Variants in TBC1D2 observed in about 807,000 individuals in gnomAD.
TBC1D2 encodes TBC1 domain family member 2.
In TBC1D2, 58 loss-of-function variants were observed where a neutral mutation model predicts 91.1. The ratio of observed to expected loss-of-function variants is 0.64; its 90% CI spans 0.52 to 0.79. The LOEUF is 0.79. Ranked by LOEUF, TBC1D2 falls within the 30% of genes least tolerant of loss-of-function variation. The pLI is 0.00. For synonymous variants in TBC1D2, 482 were observed against 511.5 expected (o/e 0.94, Z 0.78); for missense variants, 1,080 against 1,208.3 (o/e 0.89, Z 1.57).
At chr9:98,209,633 C>G (rs1828759661) in intron 8 of TBC1D2, among the ~76,000 whole-genome samples, 1 of 152,152 alleles carries the variant, frequency 6.6e-6, no homozygotes, top group Non-Finnish European at 1.5e-5. Flanking sequence ...AATGTTGACT[C>G]ACCTCCACTC....
intron 3 of TBC1D2, chr9:98,235,347 G>A (rs2119150450): frequency 4.6e-6 from 2 of 434,964 alleles, no homozygotes; most frequent in Non-Finnish European, 4.6e-6. Context: ...AATGAGCTAC[G>A]TAATCTAGAT....
intron 2 of TBC1D2, among the ~76,000 whole-genome samples, chr9:98,246,307 A>G (rs1829763103): frequency 6.6e-6 from 1 of 152,148 alleles, no homozygotes; most frequent in East Asian, 1.9e-4. Context: ...TGGGTATAAA[A>G]ATATTAAATA....
At chr9:98,202,973 C>T (rs958238121) in intron 10 of TBC1D2, among the ~76,000 whole-genome samples, 6 of 152,234 alleles carry the variant, frequency 3.9e-5, no homozygotes, top group East Asian at 1.9e-4. Context: ...GTGCTGGAGG[C>T]GATGCAGCCA....
intron 3 of TBC1D2, among the ~76,000 whole-genome samples, chr9:98,237,108 G>A (rs1829523526): frequency 6.6e-6 from 1 of 152,088 alleles, no homozygotes; most frequent in South Asian, 2.1e-4. Flanking sequence ...AGGTCAAGGC[G>A]AGTGGATTGC....
chr9:98,207,312 G>C (rs945852170), intron 9 of TBC1D2, among the ~76,000 whole-genome samples: 1 of 152,218 alleles, frequency 6.6e-6, no homozygotes, highest in Non-Finnish European at 1.5e-5. Context: ...AAAAAAAGCA[G>C]CATGGCTTAT....
In TBC1D2 at chr9:98,221,154, C is replaced by T. The variant is rs752372978; in HGVS notation, c.1053G>A (p.Ala351=). The T allele has an allele frequency of 6.3e-6, 10 of 1,575,514 alleles. No individual in the cohort carries two copies. The highest frequency in any genetic ancestry group is 1.9e-5 in the Admixed American group (1 of 53,766). ...QEKRASSAYL[A]AAEDKDRLEL... ...CCAGCCGGTCCTTGTCCTCAGCCGCCGCCAGGTATGCGCTGGACGCCCGCT... is the reference window on the plus strand; with the variant it reads ...CCAGCCGGTCCTTGTCCTCAGCCGCTGCCAGGTATGCGCTGGACGCCCGCT... The change falls in exon 6 of 13, where the codon GCG becomes GCA. Residue 351 remains alanine (A), a synonymous_variant. Transcript: ENST00000465784.
intron 4 of TBC1D2, among the ~76,000 whole-genome samples, chr9:98,230,167 A>G (rs1829331946): frequency 6.6e-6 from 1 of 152,174 alleles, no homozygotes; most frequent in Non-Finnish European, 1.5e-5. Flanking sequence ...GGATATATAC[A>G]TCATGCCTAT....
chr9:98,207,634 G>A (rs758520621), intron 9 of TBC1D2, among the ~76,000 whole-genome samples: 1 of 152,214 alleles, frequency 6.6e-6, no homozygotes, highest in African/African-American at 2.4e-5. Context: ...TCACTGAAAG[G>A]CTCAAGACTC....
In TBC1D2 at chr9:98,199,317, C is replaced by T; in HGVS notation, c.*64G>A. 6.3e-7 allele frequency: 1 copy of T among 1,583,660 alleles called. No homozygotes were observed. The highest frequency in any genetic ancestry group is 1.1e-5 in the South Asian group (1 of 89,370). ...CCCAGGGCTGGGCCACTGGTCCGTG[C>T]CTGACCTCCAGTGGGTCTGCCAGCC... On this transcript the variant is annotated 3_prime_UTR_variant, in exon 13 of 13. Transcript: ENST00000465784.
chr9:98,218,024 A>C (rs2417894), intron 6 of TBC1D2, among the ~76,000 whole-genome samples: 370 of 151,690 alleles, frequency 2.4e-3, no homozygotes, highest in Middle Eastern at 0.024. Context: ...CTAATTTTTT[A>C]ATTTTTTGTA....
chr9:98,220,889 G>A lies in TBC1D2; in HGVS notation c.1318C>T (p.Pro440Ser). The stretch of plus-strand genomic sequence containing the variant: ...AGGAAGTCCCTGTTGGCAGCGTCGG[G>A]GCGCAAAGGAGACTGGTCAGGGGGG... ...THPPDQSPLR[P>S]DAANRDFLSQ... Residue 440 changes from proline to serine, a missense_variant, in exon 6 of 13, where the codon CCC (proline) becomes TCC (serine). Physicochemically the swap from Pro to Ser is moderately conservative, Grantham distance 74 (BLOSUM62 -1). Coordinates refer to ENST00000465784, the MANE Select transcript of TBC1D2 (RefSeq NM_001267571.2). 6.2e-7 allele frequency: 1 copy of A among 1,614,156 alleles called. No homozygotes were observed. The highest frequency in any genetic ancestry group is 8.5e-7 in the Non-Finnish European group (1 of 1,180,018).
chr9:98,209,775 C>T (rs1279064166), intron 8 of TBC1D2, among the ~76,000 whole-genome samples: 1 of 145,734 alleles, frequency 6.9e-6, no homozygotes, highest in East Asian at 2.0e-4. Flanking sequence ...TTCCTTCCTT[C>T]CTTCCTTCCT....
At chr9:98,229,239 T>A (rs774148509) in intron 4 of TBC1D2, 91 bp from the exon 5 acceptor site, 2 of 1,225,754 alleles carry the variant, frequency 1.6e-6, no homozygotes, top group Non-Finnish European at 2.3e-6. Context: ...GAGGGCTTGT[T>A]AAAATGCGGA....
intron 9 of TBC1D2, among the ~76,000 whole-genome samples, chr9:98,205,888 C>T (rs972712742): frequency 2.0e-5 from 3 of 152,030 alleles, no homozygotes; most frequent in African/African-American, 4.8e-5. Context: ...ATGGCTACCA[C>T]TAGATGGCAA....
intron 3 of TBC1D2, among the ~76,000 whole-genome samples, chr9:98,240,946 G>A (rs1829623389): frequency 1.3e-5 from 2 of 152,126 alleles, no homozygotes. Flanking sequence ...GGCCAGCATG[G>A]GAGTGGTGAT....
In TBC1D2 at chr9:98,200,259, T is replaced by C. The variant is rs749809649; in HGVS notation, c.2573A>G (p.Asn858Ser). The change falls in exon 12 of 13, where the codon AAC becomes AGC. Residue 858 changes from asparagine to serine, a missense_variant. Asn to Ser is a conservative substitution (Grantham distance 46, BLOSUM62 1). Transcript: ENST00000465784. ...YLRFFTKTIS[N>S]SRKLMNIAFN... ...GGGGGTGGGGGTTCCTCACCGGCTGTTGGAGATGGTCTTGGTGAAGAAGCG... is the reference window on the plus strand; with the variant it reads ...GGGGGTGGGGGTTCCTCACCGGCTGCTGGAGATGGTCTTGGTGAAGAAGCG... 6.2e-7 allele frequency: 1 copy of C among 1,613,198 alleles called. No homozygotes were observed. Among genetic ancestry groups the C allele is most frequent in the Non-Finnish European group, 8.5e-7 (1 of 1,179,788 alleles).
intron 6 of TBC1D2, among the ~76,000 whole-genome samples, chr9:98,216,323 C>T (rs978305424): frequency 6.6e-6 from 1 of 152,302 alleles, no homozygotes; most frequent in Non-Finnish European, 1.5e-5. Flanking sequence ...CACCCACCCC[C>T]TCAGTCGGCT....
rs961150544 is a variant in TBC1D2 at position 98,228,541 on chromosome 9, C to T, written c.978+411G>A. 6.6e-5 allele frequency among the ~76,000 whole-genome samples: 10 copies of T among 152,192 alleles called. No individual in the cohort carries two copies. The highest frequency in any genetic ancestry group is 1.2e-4 in the African/African-American group (5 of 41,456). Reference sequence around the variant, plus strand: ...GCTTTCTCCTGTGACAGTCTTGTGACGGTCATTCAGATATCTGTGCCCAGA... The same window carrying T: ...GCTTTCTCCTGTGACAGTCTTGTGATGGTCATTCAGATATCTGTGCCCAGA... On this transcript the variant is annotated intron_variant, in intron 5 of 12. Coordinates refer to ENST00000465784, the MANE Select transcript of TBC1D2 (RefSeq NM_001267571.2). The surrounding 1 kb of genome is among the most constrained non-coding windows in gnomAD (Gnocchi z 4.0).
intron 1 of TBC1D2, 88 bp downstream of exon 1, chr9:98,255,085 G>T: frequency 6.7e-7 from 1 of 1,501,944 alleles, no homozygotes; most frequent in Non-Finnish European, 8.9e-7. Flanking sequence ...CAAATTTACT[G>T]TGTCCACCTC....
Sources: gnomAD v4.1 joint callset for allele counts (sites outside exome capture counted in the v4.1 genomes callset) on GRCh38, gnomAD v4.1.1 for gene constraint, Gnocchi (gnomAD v3.1) non-coding constraint, MANE v1.5 for transcripts, NCBI Gene and HGNC (gene_info 2026-07-23, HGNC 2026-07-21) for gene names.